The following CBFA2T2 variants were observed in gnomAD, a reference collection of about 807,000 sequenced individuals.
The protein encoded by CBFA2T2 is CBFA2/RUNX1 partner transcriptional co-repressor 2, also known as protein CBFA2T2.
A neutral mutation model predicts 62.2 loss-of-function variants in CBFA2T2; 11 were observed. The observed-to-expected ratio is 0.18, with a 90% CI of 0.11 to 0.29. CBFA2T2 has a LOEUF of 0.29. Among genes scored for constraint, CBFA2T2 ranks in the 10% least tolerant of loss-of-function variants. CBFA2T2 has a pLI of 1.00. For synonymous variants in CBFA2T2, 295 were observed against 287.5 expected (o/e 1.03, Z -0.27); for missense variants, 592 against 774.1 (o/e 0.76, Z 2.79).
chr20:33,593,280 C>T (rs923901725), intron 1 of CBFA2T2, among the ~76,000 whole-genome samples: 9 of 151,704 alleles, frequency 5.9e-5, no homozygotes, highest in African/African-American at 1.5e-4. Flanking sequence ...TGCAGTGAGC[C>T]GAGATTGTGC....
intron 8 of CBFA2T2, among the ~76,000 whole-genome samples, chr20:33,634,102 G>A (rs1230584153): frequency 1.3e-5 from 2 of 151,998 alleles, no homozygotes; most frequent in Admixed American, 6.6e-5. Context: ...CCAAGTAGCT[G>A]GAATTACAGG....
intron 1 of CBFA2T2, among the ~76,000 whole-genome samples, chr20:33,519,961 A>G (rs1465264751): frequency 2.0e-5 from 3 of 152,086 alleles, no homozygotes; most frequent in Admixed American, 6.6e-5. Context: ...AGCCTGACCA[A>G]TGTGGAAGAA....
At chr20:33,520,910 G>GCA (rs138966628) in intron 1 of CBFA2T2, among the ~76,000 whole-genome samples, 9 of 148,984 alleles carry the variant, frequency 6.0e-5, no homozygotes, top group Non-Finnish European at 8.9e-5. Context: ...ACACGCACGC[G>GCA]CACACACACA....
chr20:33,530,689 A>G (rs1357462592), intron 1 of CBFA2T2, among the ~76,000 whole-genome samples: 2 of 151,972 alleles, frequency 1.3e-5, no homozygotes, highest in African/African-American at 4.8e-5. Context: ...CTGGGATTAC[A>G]GGCGTGAGCC....
intron 1 of CBFA2T2, among the ~76,000 whole-genome samples, chr20:33,547,360 C>T (rs2012604765): frequency 6.6e-6 from 1 of 152,054 alleles, no homozygotes; most frequent in Non-Finnish European, 1.5e-5. Flanking sequence ...GGTCACAGCA[C>T]TCCAGCCTGG....
intron 1 of CBFA2T2, among the ~76,000 whole-genome samples, chr20:33,570,121 A>G (rs1405991582): frequency 6.6e-6 from 1 of 152,190 alleles, no homozygotes; most frequent in Non-Finnish European, 1.5e-5. Context: ...TTTACTAAAA[A>G]TACAAAGAAA....
chr20:33,498,250 T>TC (rs2011225491), intron 1 of CBFA2T2, among the ~76,000 whole-genome samples: 1 of 149,872 alleles, frequency 6.7e-6, no homozygotes, highest in African/African-American at 2.4e-5. Flanking sequence ...TTTCTTTCTT[T>TC]TTTTTTTTTT....
intron 3 of CBFA2T2, among the ~76,000 whole-genome samples, chr20:33,612,650 A>C (rs904685528): frequency 1.3e-5 from 2 of 152,242 alleles, no homozygotes; most frequent in African/African-American, 4.8e-5. Context: ...GATTTTAAAA[A>C]TCACACCTCA....
intron 1 of CBFA2T2, among the ~76,000 whole-genome samples, chr20:33,585,696 A>G (rs935638102): frequency 1.3e-5 from 2 of 152,222 alleles, no homozygotes; most frequent in African/African-American, 4.8e-5. Context: ...CTTGAAATAC[A>G]TTTATTTCTG....
chr20:33,617,299 A>G (rs1243650654), intron 3 of CBFA2T2, among the ~76,000 whole-genome samples: 1 of 152,150 alleles, frequency 6.6e-6, no homozygotes, highest in Non-Finnish European at 1.5e-5. Context: ...GTACATGTGT[A>G]CCTCCATCAT....
chr20:33,495,523 C>CA (rs1479824979), intron 1 of CBFA2T2, among the ~76,000 whole-genome samples: 1 of 151,686 alleles, frequency 6.6e-6, no homozygotes, highest in Non-Finnish European at 1.5e-5. Flanking sequence ...CCGTCCCTAC[C>CA]AAAAAACGTA....
chr20:33,497,630 A>G (rs919674579), intron 1 of CBFA2T2, among the ~76,000 whole-genome samples: 2 of 150,362 alleles, frequency 1.3e-5, no homozygotes, highest in African/African-American at 2.5e-5. Context: ...GCTCACTACA[A>G]TCTCTGCCTC....
intron 1 of CBFA2T2, among the ~76,000 whole-genome samples, chr20:33,530,678 G>T (rs2012034680): frequency 6.6e-6 from 1 of 152,106 alleles, no homozygotes; most frequent in Non-Finnish European, 1.5e-5. Flanking sequence ...CTCCCAAAGT[G>T]CTGGGATTAC....
intron 1 of CBFA2T2, among the ~76,000 whole-genome samples, chr20:33,572,504 A>G (rs1002520609): frequency 1.3e-5 from 2 of 152,236 alleles, no homozygotes; most frequent in African/African-American, 4.8e-5. Context: ...AAAAATATGT[A>G]TATGAAATTA....
chr20:33,622,468 A>G (rs926830992), intron 4 of CBFA2T2, among the ~76,000 whole-genome samples: 1 of 152,234 alleles, frequency 6.6e-6, no homozygotes, highest in Admixed American at 6.5e-5. Flanking sequence ...AATTCTGTAT[A>G]TGAAAGAGAT....
chr20:33,647,761 G>T lies in CBFA2T2; in HGVS notation c.*3115G>T, dbSNP rs138272192. ...AGCCTGGCCTGCTCTTGTGGGCTGT[G>T]GTTGCTGTGACAGTTTCGTTTTCTG... is the stretch of plus-strand genomic sequence containing the variant. On this transcript the variant is annotated 3_prime_UTR_variant, in exon 11 of 11. Coordinates refer to ENST00000342704, the MANE Select transcript of CBFA2T2 (RefSeq NM_001032999.3). 1 of 152,346 alleles carries T rather than the reference G, an allele frequency of 6.6e-6. No homozygotes were observed. The highest frequency in any genetic ancestry group is 2.1e-4 in the South Asian group (1 of 4,832). The allele number at this position is 152,346 out of a possible 1,614,324, so 9.4% of individuals were successfully genotyped here. A position where few individuals can be genotyped will look rare whatever the true frequency, so the allele number is the denominator to read the frequency against.
At chr20:33,500,132 A>G (rs924993806) in intron 1 of CBFA2T2, among the ~76,000 whole-genome samples, 3 of 151,630 alleles carry the variant, frequency 2.0e-5, no homozygotes, top group African/African-American at 7.3e-5. Flanking sequence ...TAATTTTTGT[A>G]TTTTTAGTAA....
chr20:33,626,584 C>T (rs1031287867), intron 6 of CBFA2T2, among the ~76,000 whole-genome samples: 11 of 152,202 alleles, frequency 7.2e-5, no homozygotes, highest in African/African-American at 2.2e-4. Flanking sequence ...TACTCTTACA[C>T]GTTTTCAGCA....
intron 2 of CBFA2T2, 119 bp downstream of exon 2, chr20:33,607,218 T>C (rs1009756742): frequency 2.5e-6 from 2 of 816,036 alleles, no homozygotes; most frequent in East Asian, 2.9e-5. Flanking sequence ...ATTGAAAATA[T>C]AGACACAGAT....
Sources: gnomAD v4.1 joint callset for allele counts (sites outside exome capture counted in the v4.1 genomes callset) on GRCh38, gnomAD v4.1.1 for gene constraint, MANE v1.5 for transcripts, NCBI Gene and HGNC (gene_info 2026-07-23, HGNC 2026-07-21) for gene names.